The following POLRMT variants were observed in gnomAD, a reference collection of about 807,000 sequenced individuals.
The protein encoded by POLRMT is DNA-directed RNA polymerase, mitochondrial.
In POLRMT, 114 loss-of-function variants were observed where a neutral mutation model predicts 132.2. That is an observed-to-expected ratio of 0.86 (90% confidence interval 0.74 to 1.01). The LOEUF (loss-of-function observed/expected upper bound fraction) is 1.01. POLRMT is among the 50% of genes least tolerant of loss of function. POLRMT has a pLI of 0.00. For synonymous variants in POLRMT, 1,020 were observed against 773.4 expected, an observed-to-expected ratio of 1.32 and a Z score of -5.29; for missense variants, 2,003 against 1,729.1, an observed-to-expected ratio of 1.16 and a Z score of -2.81.
chr19:621,303 T>C lies in POLRMT; in HGVS notation c.2395A>G (p.Asn799Asp), dbSNP rs1568167204. ...TAGGTGCGGCCGCGGAAGTCCATGT[T>C]GTGCGGCAGCCAGAAGACGCGGTCC... is the stretch of plus-strand genomic sequence containing the variant. ...LRDRVFWLPHNMDFRGRTYPC... is the reference protein window; with the variant it reads ...LRDRVFWLPHDMDFRGRTYPC... Residue 799 changes from asparagine to aspartate, a missense_variant, in exon 10 of 21, where the codon AAC (asparagine) becomes GAC (aspartate). By Grantham distance (23) the Asn-to-Asp change is conservative. Transcript: ENST00000588649. 1 of 1,601,596 alleles carries C rather than the reference T, an allele frequency of 6.2e-7. No homozygotes were observed. The highest frequency in any genetic ancestry group is 8.5e-7 in the Non-Finnish European group (1 of 1,177,416).
chr19:626,929 A>G (rs1369379129), intron 3 of POLRMT, among the ~76,000 whole-genome samples: 3 of 150,888 alleles, frequency 2.0e-5, no homozygotes, highest in Non-Finnish European at 2.9e-5. Flanking sequence ...TAACATATAT[A>G]TATAATTTTT....
At position 632,882 on chromosome 19, in the gene POLRMT, GCTCCTGGGGGCTGGCGGACGAGCTC is replaced by G; in HGVS notation, c.120_144del (p.Arg40SerfsTer36). On this transcript the variant is annotated frameshift_variant, in exon 2 of 21. Transcript: ENST00000588649. LOFTEE classifies it high-confidence loss of function. ...CAGTCCTTCCTGCGGTCTTGGTCTT[GCTCCTGGGGGCTGGCGGACGAGCTC>G]CTCCTGGGGCCGCAGACGCCACCGG... 6.5e-7 allele frequency: 1 copy of G among 1,548,218 alleles called. No individual in the cohort carries two copies. The highest frequency in any genetic ancestry group is 8.7e-7 in the Non-Finnish European group (1 of 1,151,048).
intron 2 of POLRMT, among the ~76,000 whole-genome samples, chr19:631,192 G>C (rs1341823132): frequency 1.3e-5 from 2 of 151,990 alleles, no homozygotes; most frequent in African/African-American, 4.8e-5. Flanking sequence ...GCCGGGTACA[G>C]GGCCGCGCAC....
chr19:619,799 C>T (rs371201479), intron 12 of POLRMT, 34 bp from the exon 13 acceptor site: 518 of 1,551,180 alleles, frequency 3.3e-4, no homozygotes, highest in Non-Finnish European at 4.1e-4. Context: ...CGCGGGTCAG[C>T]CCCGCTAGCA....
Position 620,001 on chromosome 19 carries a change from G to A in POLRMT, c.2843C>T (p.Pro948Leu), listed in dbSNP as rs762623741. The change falls in exon 12 of 21, where the codon CCC (proline) becomes CTC (leucine). Residue 948 changes from proline to leucine, a missense_variant. Pro to Leu is a moderately conservative substitution (Grantham distance 98). Coordinates refer to ENST00000588649, the MANE Select transcript of POLRMT (RefSeq NM_005035.4). ...GTACACGTCCTGCGGCACATCCGAGGGCTCCAGGTTGACGGAGGCGGCGCC... is the reference window on the plus strand; with the variant it reads ...GTACACGTCCTGCGGCACATCCGAGAGCTCCAGGTTGACGGAGGCGGCGCC... ...SVGAASVNLE[P>L]SDVPQDVYSG... 5 of 1,592,694 alleles carry A rather than the reference G, an allele frequency of 3.1e-6. No homozygotes were observed. Among genetic ancestry groups the A allele is most frequent in the African/African-American group, 2.7e-5 (2 of 74,756 alleles).
At chr19:620,597 T>C (rs1042272062) in intron 10 of POLRMT, 110 bp from the exon 11 acceptor site, 27 of 1,328,820 alleles carry the variant, frequency 2.0e-5, no homozygotes, top group African/African-American at 1.8e-4. Flanking sequence ...ACACCCGTGA[T>C]AGTGAACACG....
chr19:619,474 G>A (rs1600559033), intron 13 of POLRMT, 112 bp downstream of exon 13: 5 of 1,454,708 alleles, frequency 3.4e-6, no homozygotes, highest in African/African-American at 1.4e-5. Flanking sequence ...GCAGCCAGTG[G>A]TCTGGGGGAG....
intron 3 of POLRMT, chr19:625,510 T>G: frequency 2.2e-6 from 1 of 444,486 alleles, no homozygotes; most frequent in Non-Finnish European, 4.0e-6. Context: ...TTGTTAAACC[T>G]CCAGATTTGT....
intron 17 of POLRMT, 43 bp from the exon 18 acceptor site, chr19:617,892 G>A (rs1984128682): frequency 1.9e-6 from 3 of 1,577,220 alleles, no homozygotes. Context: ...GGAGCTCACA[G>A]GGCCACCCAG....
At position 625,171 on chromosome 19, in the gene POLRMT, G is replaced by A. The variant is rs927805140; in HGVS notation, c.906C>T (p.Ala302=). 1 of 1,613,842 alleles carries A rather than the reference G, an allele frequency of 6.2e-7. No homozygotes were observed. The highest frequency in any genetic ancestry group is 8.5e-7 in the Non-Finnish European group (1 of 1,179,978). Residue 302 remains alanine, a synonymous_variant, in exon 4 of 21, where the codon GCC becomes GCT. Transcript: ENST00000588649. ...GGTCCTGCCTCCCCATGCACTGGAG[G>A]GCAGCCGCATAGGACAGCAGGTCCG... ...LTPDLLSYAA[A]LQCMGRQDQD... is the part of the protein sequence containing the mutation.
In POLRMT at chr19:618,654, T is replaced by C. The variant is rs1181901813; in HGVS notation, c.3323+51A>G. The C allele has an allele frequency of 1.1e-5, 18 of 1,601,324 alleles. 1 individual carries two copies. The East Asian group carries it at 4.1e-4, about 36-fold the overall frequency. On this transcript the variant is annotated intron_variant, in intron 16 of 20. Coordinates refer to ENST00000588649, the MANE Select transcript of POLRMT (RefSeq NM_005035.4). ...CCCTAACTGGCCGCTGTCTCCACCGTGGCTGCTCTCCAGACCCCCGGCCAG... is the reference window on the plus strand; with the variant it reads ...CCCTAACTGGCCGCTGTCTCCACCGCGGCTGCTCTCCAGACCCCCGGCCAG...
chr19:629,732 C>A lies in POLRMT; in HGVS notation c.630G>T (p.Pro210=), dbSNP rs570462452. The A allele has an allele frequency of 1.3e-6, 2 of 1,584,188 alleles. No homozygotes were observed. Among genetic ancestry groups the A allele is most frequent in the African/African-American group, 2.7e-5 (2 of 74,048 alleles). The change falls in exon 3 of 21, where the codon CCG becomes CCT. Residue 210 remains proline (P), a synonymous_variant. Transcript: ENST00000588649. ...GKLSLDVEQA[P]SGQHSQAQLS... ...GCTGGGCCTGCGAGTGCTGCCCCGA[C>A]GGGGCCTGCTCCACATCGAGGCTCA...
rs769309474 is a variant in POLRMT at position 619,990 on chromosome 19, G to A, written c.2854C>T (p.Pro952Ser). Residue 952 changes from proline (P) to serine (S), a missense_variant, in exon 12 of 21, where the codon CCG becomes TCG. Transcript: ENST00000588649. ...GCCACGCCGCTGTACACGTCCTGCGGCACATCCGAGGGCTCCAGGTTGACG... is the reference window on the plus strand; with the variant it reads ...GCCACGCCGCTGTACACGTCCTGCGACACATCCGAGGGCTCCAGGTTGACG... ...ASVNLEPSDV[P>S]QDVYSGVAAQ... The A allele has an allele frequency of 4.4e-6, 7 of 1,595,426 alleles. No individual in the cohort carries two copies. The highest frequency in any genetic ancestry group is 3.3e-5 in the South Asian group (3 of 89,626).
rs1037908653 is a variant in POLRMT, at chr19:617,955, G to T, written c.3423-106C>A. ...CCCCCTCCACTTGAGGTCCAGGGAAGCCCACCCTCCTGCAGGCCTCGCCCC... is the reference window on the plus strand; with the variant it reads ...CCCCCTCCACTTGAGGTCCAGGGAATCCCACCCTCCTGCAGGCCTCGCCCC... On this transcript the variant is annotated intron_variant, in intron 17 of 20. Coordinates refer to ENST00000588649, the MANE Select transcript of POLRMT (RefSeq NM_005035.4). 19 of 1,035,592 alleles carry T rather than the reference G, an allele frequency of 1.8e-5. No homozygotes were observed. In the Admixed American group the frequency reaches 2.4e-4, roughly 13 times the overall value. The allele number at this position is 1,035,592 out of a possible 1,614,324, so 64.2% of individuals were successfully genotyped here. A position where few individuals can be genotyped will look rare whatever the true frequency, so the allele number is the denominator to read the frequency against.
rs1182826663 is a variant in POLRMT, at chr19:619,295, T to G, written c.3068A>C (p.Glu1023Ala). The change falls in exon 14 of 21, where the codon GAG (glutamate) becomes GCG (alanine). Residue 1023 changes from glutamate to alanine, a missense_variant and splice_region_variant. By Grantham distance (107) the Glu-to-Ala change is moderately radical. Coordinates refer to ENST00000588649, the MANE Select transcript of POLRMT (RefSeq NM_005035.4). ...ATAGTGAGAGGCCTCCCACACGAAC[T>G]CCTGCAGAGGGCGGGCAGCAGGTGC... ...RLRELSDFPQ[E>A]FVWEASHYLV... is the part of the protein sequence containing the mutation. The G allele has an allele frequency of 1.2e-6, 2 of 1,607,682 alleles. No homozygotes were observed. Among genetic ancestry groups the G allele is most frequent in the African/African-American group, 2.7e-5 (2 of 73,744 alleles).
rs755183783 is a variant in POLRMT, at chr19:617,313, G to C, written c.3654C>G (p.Asp1218Glu). 87 of 1,612,814 alleles carry C rather than the reference G, an allele frequency of 5.4e-5. No homozygotes were observed. Among genetic ancestry groups the C allele is most frequent in the Non-Finnish European group, 7.2e-5 (85 of 1,179,902 alleles). The change falls in exon 21 of 21, where the codon GAC becomes GAG. Residue 1218 changes from aspartate to glutamate, a missense_variant. Coordinates refer to ENST00000588649, the MANE Select transcript of POLRMT (RefSeq NM_005035.4). The stretch of plus-strand genomic sequence containing the variant: ...AGGTGGAACGCTTCACCTGCTCCAG[G>C]TCGAAGGCCCCTGCGGAGGAAGCAG... ...LQAVPKPGAF[D>E]LEQVKRSTYF... is the part of the protein sequence containing the mutation.
rs1472277035 is a variant in POLRMT at position 618,440 on chromosome 19, G to A, written c.3422+48C>T. ...GCCAGCTGTGCCCTGCTAGCCAGAA[G>A]ACGCCCCTGGGAGGCGAGCGGCACC... On this transcript the variant is annotated intron_variant, in intron 17 of 20. Coordinates refer to ENST00000588649, the MANE Select transcript of POLRMT (RefSeq NM_005035.4). The A allele has an allele frequency of 9.1e-6, 13 of 1,429,888 alleles. 1 individual carries two copies. The highest frequency in any genetic ancestry group is 7.6e-5 in the South Asian group (6 of 79,424). 88.6% of individuals were successfully genotyped at this position (1,429,888 alleles called of 1,614,324 possible). A position where few individuals can be genotyped will look rare whatever the true frequency, so the allele number is the denominator to read the frequency against.
At chr19:629,447 C>A in intron 3 of POLRMT, 93 bp downstream of exon 3, 1 of 1,242,588 alleles carries the variant, frequency 8.0e-7, no homozygotes, top group South Asian at 2.5e-5. Flanking sequence ...GGACTTGAAC[C>A]TGGGGGCTAA....
intron 10 of POLRMT, among the ~76,000 whole-genome samples, chr19:620,749 G>A (rs549244132): frequency 7.0e-6 from 1 of 142,832 alleles, no homozygotes; most frequent in African/African-American, 2.6e-5. Context: ...AGGACCTGGG[G>A]GCGCCGGGGG....
Sources: gnomAD v4.1 joint callset for allele counts (sites outside exome capture counted in the v4.1 genomes callset) on GRCh38, gnomAD v4.1.1 for gene constraint, MANE v1.5 for transcripts, NCBI Gene and HGNC (gene_info 2026-07-23, HGNC 2026-07-21) for gene names.